Variants in GLYATL2 observed in about 807,000 individuals in gnomAD.
GLYATL2 encodes glycine-N-acyltransferase like 2.
GLYATL2 carries 25 observed loss-of-function variants against 21.4 expected under a neutral mutation model. The ratio of observed to expected loss-of-function variants is 1.17; its 90% CI spans 0.85 to 1.63. The LOEUF is 1.63. Among genes scored for constraint, GLYATL2 ranks in the 40% most tolerant of loss-of-function variants. GLYATL2 has a pLI of 0.00. For missense variants in GLYATL2, 361 were observed against 343.3 expected, an observed-to-expected ratio of 1.05 and a Z score of -0.41; for synonymous variants, 114 against 118.2, an observed-to-expected ratio of 0.96 and a Z score of 0.23.
At chr11:58,891,446 T>A (rs1854541816) in intron 1 of GLYATL2, among the ~76,000 whole-genome samples, 1 of 152,204 alleles carries the variant, frequency 6.6e-6, no homozygotes, top group East Asian at 1.9e-4. Flanking sequence ...TTGTCACTAT[T>A]TGAGTAGGCT....
chr11:58,869,808 A>G (rs1293164622), intron 1 of GLYATL2, among the ~76,000 whole-genome samples: 1 of 152,162 alleles, frequency 6.6e-6, no homozygotes, highest in African/African-American at 2.4e-5. Context: ...GTCAGCATAC[A>G]TTTTTGTCTG....
At chr11:58,863,722 G>T (rs1029157983) in intron 1 of GLYATL2, among the ~76,000 whole-genome samples, 1 of 152,018 alleles carries the variant, frequency 6.6e-6, no homozygotes, top group East Asian at 1.9e-4. Flanking sequence ...CTAGAACCTA[G>T]GTCTTCAGGG....
intron 1 of GLYATL2, among the ~76,000 whole-genome samples, chr11:58,853,616 A>T (rs1180107802): frequency 2.0e-5 from 3 of 152,232 alleles, no homozygotes; most frequent in Non-Finnish European, 4.4e-5. Flanking sequence ...TTGGTTTTCA[A>T]AATTGGGACT....
chr11:58,881,573 G>T (rs574130766), intron 1 of GLYATL2, among the ~76,000 whole-genome samples: 10 of 152,000 alleles, frequency 6.6e-5, no homozygotes, highest in Non-Finnish European at 1.5e-4. Flanking sequence ...AGTCAAAACT[G>T]TTTTTAGAAG....
At chr11:58,839,449 A>G (rs1298982554) in intron 2 of GLYATL2, 86 bp downstream of exon 2, 12 of 711,102 alleles carry the variant, frequency 1.7e-5, no homozygotes, top group South Asian at 2.3e-5. Flanking sequence ...TTGCATTCCC[A>G]TCTCCCCATT....
intron 1 of GLYATL2, among the ~76,000 whole-genome samples, chr11:58,851,156 G>C (rs757821250): frequency 8.5e-5 from 13 of 152,156 alleles, no homozygotes; most frequent in Non-Finnish European, 1.8e-4. Flanking sequence ...TAACAGTGCA[G>C]CCAGGCATTC....
chr11:58,880,917 A>T (rs1446981767), intron 1 of GLYATL2, among the ~76,000 whole-genome samples: 2 of 152,228 alleles, frequency 1.3e-5, no homozygotes, highest in Non-Finnish European at 2.9e-5. Flanking sequence ...ATATTAGTTA[A>T]CTATTTAACC....
upstream of GLYATL2, chr11:58,905,465 C>T: frequency 8.8e-6 from 4 of 456,300 alleles, no homozygotes; most frequent in Middle Eastern, 3.3e-4. Flanking sequence ...ACCGAAGCAC[C>T]TTGGCGGGCT....
intron 1 of GLYATL2, among the ~76,000 whole-genome samples, chr11:58,852,380 C>G (rs2849854): frequency 0.89 from 135,414 of 151,866 alleles, 61,400 homozygotes; most frequent in Non-Finnish European, 0.98. Context: ...ATGTAACTAA[C>G]AGAAATTCAG....
intron 1 of GLYATL2, among the ~76,000 whole-genome samples, chr11:58,903,956 A>G (rs543795032): frequency 1.8e-4 from 27 of 152,324 alleles, no homozygotes; most frequent in African/African-American, 6.3e-4. Flanking sequence ...CCTGGCACAC[A>G]CAGCATCTCC....
chr11:58,899,968 G>C (rs1854707140), intron 1 of GLYATL2, among the ~76,000 whole-genome samples: 1 of 151,400 alleles, frequency 6.6e-6, no homozygotes, highest in African/African-American at 2.4e-5. Context: ...TATTTTCAGA[G>C]TCCATCGAAT....
intron 1 of GLYATL2, among the ~76,000 whole-genome samples, chr11:58,870,706 A>C (rs1467034299): frequency 6.6e-6 from 1 of 152,238 alleles, no homozygotes; most frequent in Non-Finnish European, 1.5e-5. Context: ...TGTTTCTGTC[A>C]GTCCTCCTTG....
In GLYATL2 at chr11:58,837,173, G is replaced by T. The variant is rs761242586; in HGVS notation, c.318C>A (p.Cys106Ter). 1 of 1,613,306 alleles carries T rather than the reference G, an allele frequency of 6.2e-7. No individual in the cohort carries two copies. The change falls in exon 5 of 6, where the codon TGC (cysteine) becomes TGA (stop). Residue 106 changes from cysteine (C) to a stop codon, truncating the protein, a stop_gained. Coordinates refer to ENST00000287275, the MANE Select transcript of GLYATL2 (RefSeq NM_145016.4). LOFTEE classifies it high-confidence loss of function. ...SWEQTLQIQG[C>*]QEGLDEAIRK... ...TTATTGCTTCATCCAAGCCCTCTTG[G>T]CAACCTGGAGAAAGGAGAAAGACAA... is the stretch of plus-strand genomic sequence containing the variant.
intron 1 of GLYATL2, among the ~76,000 whole-genome samples, chr11:58,854,290 T>C (rs1000513893): frequency 2.0e-5 from 3 of 152,188 alleles, no homozygotes; most frequent in African/African-American, 7.2e-5. Flanking sequence ...CTGTTTAACA[T>C]ACATGCCTGC....
chr11:58,859,619 T>C (rs1241196559), intron 1 of GLYATL2, among the ~76,000 whole-genome samples: 5 of 152,332 alleles, frequency 3.3e-5, no homozygotes, highest in African/African-American at 9.6e-5. Flanking sequence ...CTATTCTAGT[T>C]TGATGTAATC....
At chr11:58,909,007 A>G (rs1402780334), upstream of GLYATL2, among the ~76,000 whole-genome samples, 4 of 152,162 alleles carry the variant, frequency 2.6e-5, no homozygotes, top group Admixed American at 2.6e-4. Flanking sequence ...AAGGATCTGA[A>G]CCCAGGCCAT....
At chr11:58,842,790 G>A (rs1211233827) in intron 1 of GLYATL2, among the ~76,000 whole-genome samples, 1 of 152,078 alleles carries the variant, frequency 6.6e-6, no homozygotes, top group East Asian at 1.9e-4. Flanking sequence ...CTTCATAGAG[G>A]CAAGAGGTGC....
intron 1 of GLYATL2, among the ~76,000 whole-genome samples, chr11:58,844,226 C>T (rs1943280): frequency 0.26 from 39,453 of 151,904 alleles, 5,581 homozygotes; most frequent in East Asian, 0.5. Context: ...CAAAAGGATA[C>T]GCACTGGCTT....
upstream of GLYATL2, among the ~76,000 whole-genome samples, chr11:58,906,840 C>T (rs1455949694): frequency 2.0e-5 from 3 of 152,122 alleles, no homozygotes; most frequent in East Asian, 1.9e-4. Flanking sequence ...GCCACATAGA[C>T]GGTTGTTTAA....
Sources: allele counts gnomAD v4.1 joint callset (sites outside exome capture counted in the v4.1 genomes callset), GRCh38; gene constraint gnomAD v4.1.1; transcripts MANE v1.5; gene names NCBI Gene and HGNC (gene_info 2026-07-23, HGNC 2026-07-21).